ASPH: variants seen among roughly 807,000 people sequenced by gnomAD.
The protein encoded by ASPH is aspartate beta-hydroxylase.
Under a neutral mutation model 118.4 loss-of-function variants are expected in ASPH, and 100 were observed. The ratio of observed to expected loss-of-function variants is 0.84; its 90% CI spans 0.72 to 1.00. The LOEUF is 1.00. Among genes scored for constraint, ASPH ranks in the 50% least tolerant of loss-of-function variants. The probability of loss-of-function intolerance (pLI) is 0.00; values close to 1 mark genes in which losing one functional copy is unlikely to be tolerated. For synonymous variants in ASPH, 315 were observed against 325.6 expected, an observed-to-expected ratio of 0.97 and a Z score of 0.35; for missense variants, 920 against 919.5, an observed-to-expected ratio of 1.00 and a Z score of -0.01.
intron 16 of ASPH, among the ~76,000 whole-genome samples, chr8:61,573,834 C>A (rs1226909826): frequency 6.6e-6 from 1 of 151,988 alleles, no homozygotes; most frequent in East Asian, 1.9e-4. Flanking sequence ...GTAACAAAAG[C>A]CAAAATTGAC....
At chr8:61,539,948 C>A (rs1052081887) in intron 21 of ASPH, among the ~76,000 whole-genome samples, 1 of 152,070 alleles carries the variant, frequency 6.6e-6, no homozygotes, top group African/African-American at 2.4e-5. Flanking sequence ...TATAGGACAT[C>A]TTTTCTATTT....
At chr8:61,533,991 A>G (rs537201734) in intron 21 of ASPH, among the ~76,000 whole-genome samples, 1 of 152,242 alleles carries the variant, frequency 6.6e-6, no homozygotes, top group Non-Finnish European at 1.5e-5. Flanking sequence ...CTTGTTGCCC[A>G]GGCTAGAGTA....
chr8:61,542,407 G>T (rs1822285144), intron 21 of ASPH, among the ~76,000 whole-genome samples: 1 of 151,890 alleles, frequency 6.6e-6, no homozygotes, highest in Admixed American at 6.6e-5. Flanking sequence ...CTTAGTGGTT[G>T]CCCTGGGCAC....
chr8:61,683,936 A>G, intron 2 of ASPH, 103 bp downstream of exon 2: 1 of 1,354,680 alleles, frequency 7.4e-7, no homozygotes, highest in Non-Finnish European at 1.0e-6. Context: ...CTGAAAGGCT[A>G]TAGAAATTAC....
chr8:61,617,316 G>A (rs72659015), intron 14 of ASPH, among the ~76,000 whole-genome samples: 28,534 of 152,114 alleles, frequency 0.19, 2,816 homozygotes, highest in South Asian at 0.35. Context: ...GAGAGCAGGA[G>A]AAAGACCAAG....
At position 61,548,105 on chromosome 8, in the gene ASPH, GT is replaced by G; in HGVS notation, c.1729del (p.Thr577ProfsTer10). ...CTCTGTGTAGCCCGTTTCTTTTGGG[GT>G]CCACCAAGGCTGTGCTTTCAGTCCA... Reference protein sequence around the residue: ...VNGLKAQPWWTPKETGYTELV... With the variant: ...VNGLKAQPWWXPKETGYTELV... On this transcript the variant is annotated frameshift_variant, in exon 21 of 25. Coordinates refer to ENST00000379454, the MANE Select transcript of ASPH (RefSeq NM_004318.4). LOFTEE classifies it high-confidence loss of function. 6.2e-7 allele frequency: 1 copy of G among 1,613,788 alleles called. No homozygotes were observed. Among genetic ancestry groups the G allele is most frequent in the Non-Finnish European group, 8.5e-7 (1 of 1,179,816 alleles).
At chr8:61,658,840 A>C (rs935795634) in intron 3 of ASPH, 8 of 152,208 alleles carry the variant, frequency 5.3e-5, no homozygotes, top group African/African-American at 9.7e-5. Context: ...TACACCTGAA[A>C]TATTTTTAGA....
At chr8:61,585,810 G>A (rs1184930697) in intron 14 of ASPH, among the ~76,000 whole-genome samples, 1 of 152,170 alleles carries the variant, frequency 6.6e-6, no homozygotes, top group South Asian at 2.1e-4. Flanking sequence ...TCGATGGCAG[G>A]GGTCTGAGTC....
chr8:61,671,718 T>C (rs139503511), intron 3 of ASPH, among the ~76,000 whole-genome samples: 93 of 152,358 alleles, frequency 6.1e-4, no homozygotes, highest in African/African-American at 2.2e-3. Context: ...ATTCTTCCCT[T>C]AGAACGTAAG....
intron 14 of ASPH, among the ~76,000 whole-genome samples, chr8:61,609,838 G>A (rs941762101): frequency 6.6e-6 from 1 of 152,130 alleles, no homozygotes; most frequent in African/African-American, 2.4e-5. Context: ...CCAATTTGAA[G>A]TCTTGTTTAA....
At chr8:61,663,525 AAG>A in intron 3 of ASPH, 10 of 985,396 alleles carry the variant, frequency 1.0e-5, no homozygotes, top group Non-Finnish European at 1.2e-5. Context: ...TAAGAGGAAA[AAG>A]AACTCTGATT....
chr8:61,593,779 A>C (rs1237662621), intron 14 of ASPH, among the ~76,000 whole-genome samples: 1 of 152,228 alleles, frequency 6.6e-6, no homozygotes, highest in African/African-American at 2.4e-5. Context: ...GACATAACAG[A>C]AAACCCTTCA....
intron 16 of ASPH, among the ~76,000 whole-genome samples, chr8:61,573,768 C>G (rs566723916): frequency 3.7e-4 from 57 of 152,130 alleles, no homozygotes; most frequent in Non-Finnish European, 7.9e-4. Flanking sequence ...CTAGGCAATA[C>G]CATTCAGGAT....
chr8:61,699,088 C>A (rs1210700165), intron 1 of ASPH, among the ~76,000 whole-genome samples: 1 of 152,212 alleles, frequency 6.6e-6, no homozygotes, highest in East Asian at 1.9e-4. Context: ...GTTGTGATCT[C>A]CAGAGGACCC....
At chr8:61,672,886 T>C (rs145663466) in intron 3 of ASPH, among the ~76,000 whole-genome samples, 369 of 152,346 alleles carry the variant, frequency 2.4e-3, no homozygotes, top group African/African-American at 7.8e-3. Flanking sequence ...AAATTTCTTG[T>C]ATGTTTTATA....
At chr8:61,677,101 C>G (rs1563539349) in intron 3 of ASPH, among the ~76,000 whole-genome samples, 1 of 152,098 alleles carries the variant, frequency 6.6e-6, no homozygotes, top group East Asian at 1.9e-4. Flanking sequence ...AAGGCCTTAG[C>G]TGGTCACTTG....
chr8:61,625,573 A>C (rs3195249), intron 13 of ASPH: 29,057 of 984,688 alleles, frequency 0.03, 493 homozygotes, highest in South Asian at 0.043. Context: ...TGTCTTAACA[A>C]GGAATTTCAG....
intron 13 of ASPH, chr8:61,624,927 G>C (rs1852203732): frequency 2.0e-6 from 2 of 984,902 alleles, no homozygotes; most frequent in Non-Finnish European, 2.4e-6. Context: ...ATTATTTCAG[G>C]TTTCATTACA....
chr8:61,579,856 T>C (rs527584279), intron 15 of ASPH, among the ~76,000 whole-genome samples: 17 of 144,288 alleles, frequency 1.2e-4, no homozygotes, highest in Admixed American at 2.2e-4. Context: ...TACAAAACAA[T>C]TCAATTGCTT....
Sources: gnomAD v4.1 joint callset for allele counts (sites outside exome capture counted in the v4.1 genomes callset) on GRCh38, gnomAD v4.1.1 for gene constraint, MANE v1.5 for transcripts, NCBI Gene and HGNC (gene_info 2026-07-23, HGNC 2026-07-21) for gene names.